GRIN2A: variants seen among roughly 807,000 people sequenced by gnomAD.
The protein encoded by GRIN2A is glutamate receptor ionotropic, NMDA 2A.
GRIN2A carries 22 observed loss-of-function variants against 113.4 expected under a neutral mutation model. The observed-to-expected ratio is 0.19, with a 90% CI of 0.14 to 0.28. The LOEUF (loss-of-function observed/expected upper bound fraction) is 0.28. Among genes scored for constraint, GRIN2A ranks in the 10% least tolerant of loss-of-function variants. GRIN2A has a pLI of 1.00. For synonymous variants in GRIN2A, 827 were observed against 738.4 expected (o/e 1.12, Z -1.94); for missense variants, 1,502 against 1,887.0 (o/e 0.80, Z 3.78).
chr16:9,887,455 T>C (rs548355742), intron 4 of GRIN2A, among the ~76,000 whole-genome samples: 2 of 152,202 alleles, frequency 1.3e-5, no homozygotes, highest in African/African-American at 4.8e-5. Flanking sequence ...CTTCACGTAA[T>C]ATAATCTTTC....
intron 2 of GRIN2A, among the ~76,000 whole-genome samples, chr16:10,061,104 G>A (rs2047544237): frequency 6.6e-6 from 1 of 152,134 alleles, no homozygotes; most frequent in Non-Finnish European, 1.5e-5. Flanking sequence ...TTGAAGAAGG[G>A]GCATACAGCT....
chr16:9,998,687 C>G (rs2046268652), intron 2 of GRIN2A, among the ~76,000 whole-genome samples: 1 of 152,108 alleles, frequency 6.6e-6, no homozygotes. Context: ...GTATATATCT[C>G]TATGTATCTT....
intron 4 of GRIN2A, among the ~76,000 whole-genome samples, chr16:9,852,462 G>C (rs9922678): frequency 2.6e-5 from 4 of 151,940 alleles, no homozygotes; most frequent in African/African-American, 9.7e-5. Flanking sequence ...TCCAACGCTC[G>C]CTCATGGAGA....
At chr16:10,120,980 A>T (rs549742116) in intron 2 of GRIN2A, among the ~76,000 whole-genome samples, 1 of 152,212 alleles carries the variant, frequency 6.6e-6, no homozygotes, top group African/African-American at 2.4e-5. Flanking sequence ...CTAACTGAAA[A>T]ATCCTATTCT....
At chr16:10,043,299 C>T (rs2047198161) in intron 2 of GRIN2A, among the ~76,000 whole-genome samples, 1 of 152,142 alleles carries the variant, frequency 6.6e-6, no homozygotes, top group African/African-American at 2.4e-5. Flanking sequence ...CAGTACAGGC[C>T]TTTGAACTCA....
chr16:9,981,156 T>C (rs2045884941), intron 2 of GRIN2A, among the ~76,000 whole-genome samples: 1 of 152,076 alleles, frequency 6.6e-6, no homozygotes, highest in South Asian at 2.1e-4. Flanking sequence ...CAAATTACCA[T>C]TAGAATAAAA....
chr16:10,015,771 C>T (rs1347710112), intron 2 of GRIN2A, among the ~76,000 whole-genome samples: 1 of 152,144 alleles, frequency 6.6e-6, no homozygotes, highest in Admixed American at 6.5e-5. Flanking sequence ...AACAACTCAG[C>T]CCCTGCAATG....
intron 2 of GRIN2A, among the ~76,000 whole-genome samples, chr16:10,067,329 G>A (rs149583440): frequency 8.9e-4 from 136 of 152,198 alleles, no homozygotes; most frequent in African/African-American, 2.9e-3. Flanking sequence ...TTTTTCCAAC[G>A]GTGGAGCCAC....
At chr16:9,951,548 T>C (rs1253622142) in intron 2 of GRIN2A, among the ~76,000 whole-genome samples, 1 of 152,160 alleles carries the variant, frequency 6.6e-6, no homozygotes, top group African/African-American at 2.4e-5. Context: ...CAAGACCCAC[T>C]TGCAGCTCAA....
intron 2 of GRIN2A, among the ~76,000 whole-genome samples, chr16:10,158,147 G>A (rs1339917672): frequency 1.3e-5 from 2 of 152,182 alleles, no homozygotes; most frequent in East Asian, 3.9e-4. Context: ...TGGGACCACA[G>A]GCATGTGCCA....
chr16:9,928,348 C>T (rs28654222), intron 3 of GRIN2A, among the ~76,000 whole-genome samples: 1,873 of 152,300 alleles, frequency 0.012, 42 homozygotes, highest in African/African-American at 0.043. Context: ...TAGACAGATA[C>T]TCTTTCAGGA....
At chr16:10,163,847 T>C (rs1030623480) in intron 2 of GRIN2A, among the ~76,000 whole-genome samples, 6 of 152,238 alleles carry the variant, frequency 3.9e-5, no homozygotes, top group Non-Finnish European at 5.9e-5. Flanking sequence ...ACCTGGGCAA[T>C]ATCCCTTTCC....
At chr16:9,968,006 T>G (rs1407449616) in intron 2 of GRIN2A, among the ~76,000 whole-genome samples, 1 of 152,214 alleles carries the variant, frequency 6.6e-6, no homozygotes, top group Non-Finnish European at 1.5e-5. Context: ...CAGTGTTTCA[T>G]TATTTCCAAA....
At chr16:10,131,456 C>A (rs1374784723) in intron 2 of GRIN2A, among the ~76,000 whole-genome samples, 1 of 147,604 alleles carries the variant, frequency 6.8e-6, no homozygotes, top group Non-Finnish European at 1.5e-5. Flanking sequence ...CCAGTCTCTT[C>A]TCACCACTTA....
chr16:10,045,234 G>A (rs2047237524), intron 2 of GRIN2A, among the ~76,000 whole-genome samples: 1 of 152,124 alleles, frequency 6.6e-6, no homozygotes, highest in Non-Finnish European at 1.5e-5. Context: ...TGTATCCCAC[G>A]AGCTCAAAAC....
intron 2 of GRIN2A, among the ~76,000 whole-genome samples, chr16:9,976,298 G>A (rs2045772287): frequency 6.6e-6 from 1 of 152,136 alleles, no homozygotes; most frequent in African/African-American, 2.4e-5. Flanking sequence ...ACCACCTAAA[G>A]CCATCTCATT....
intron 2 of GRIN2A, among the ~76,000 whole-genome samples, chr16:10,151,815 G>C (rs919688318): frequency 6.6e-6 from 1 of 152,134 alleles, no homozygotes; most frequent in South Asian, 2.1e-4. Context: ...AATTACCAAC[G>C]TGTTATAAAC....
chr16:10,144,465 A>G (rs2049390504), intron 2 of GRIN2A, among the ~76,000 whole-genome samples: 1 of 152,224 alleles, frequency 6.6e-6, no homozygotes, highest in Non-Finnish European at 1.5e-5. Flanking sequence ...TCTTCTTTGA[A>G]GAATCATATA....
At chr16:9,903,959 G>T (rs767943234) in intron 3 of GRIN2A, among the ~76,000 whole-genome samples, 22 of 152,166 alleles carry the variant, frequency 1.4e-4, no homozygotes, top group Non-Finnish European at 2.9e-4. Context: ...ACTCCCTGAG[G>T]ATAAGAATTC....
Sources: gnomAD v4.1 joint callset for allele counts (sites outside exome capture counted in the v4.1 genomes callset) on GRCh38, gnomAD v4.1.1 for gene constraint, MANE v1.5 for transcripts, NCBI Gene and HGNC (gene_info 2026-07-23, HGNC 2026-07-21) for gene names.